Variants in SCN10A observed in about 807,000 individuals in gnomAD.
SCN10A encodes sodium voltage-gated channel alpha subunit 10.
SCN10A carries 162 observed loss-of-function variants against 170.7 expected under a neutral mutation model. The ratio of observed to expected loss-of-function variants is 0.95; its 90% CI spans 0.84 to 1.08. The LOEUF (loss-of-function observed/expected upper bound fraction) is 1.08, where lower values mean the gene tolerates loss of function less well. SCN10A is among the 50% of genes least tolerant of loss of function. SCN10A has a pLI of 0.00. For missense variants in SCN10A, 2,527 were observed against 2,436.9 expected (o/e 1.04, Z -0.78); for synonymous variants, 985 against 904.6 (o/e 1.09, Z -1.59).
chr3:38,811,220 A>T (rs58030657), intron 1 of SCN10A, among the ~76,000 whole-genome samples: 1 of 152,194 alleles, frequency 6.6e-6, no homozygotes, highest in African/African-American at 2.4e-5. Flanking sequence ...TGGGAGGCCA[A>T]GGCAGCTGGC....
chr3:38,728,951 T>G (rs1408271988), intron 15 of SCN10A, 50 bp from the exon 16 acceptor site: 4 of 1,539,256 alleles, frequency 2.6e-6, no homozygotes, highest in Non-Finnish European at 3.5e-6. Context: ...CTCATTACCT[T>G]TCATCTAAAG....
At chr3:38,747,299 C>T (rs1232898121) in intron 13 of SCN10A, among the ~76,000 whole-genome samples, 5 of 152,140 alleles carry the variant, frequency 3.3e-5, no homozygotes, top group African/African-American at 7.2e-5. Context: ...TCACTCCCGC[C>T]GCCAACCACC....
At chr3:38,739,719 G>A (rs2063610866) in intron 14 of SCN10A, 31 bp from the exon 15 acceptor site, 2 of 1,541,538 alleles carry the variant, frequency 1.3e-6, no homozygotes, top group East Asian at 4.5e-5. Flanking sequence ...TCATCACAGT[G>A]GGATCTGTGG....
intron 26 of SCN10A, 64 bp from the exon 27 acceptor site, chr3:38,702,173 A>G: frequency 6.7e-7 from 1 of 1,491,480 alleles, no homozygotes; most frequent in South Asian, 1.4e-5. Context: ...CATCTGTGTT[A>G]TCTGTAGATG....
intron 27 of SCN10A, among the ~76,000 whole-genome samples, chr3:38,701,618 C>T (rs969262461): frequency 2.0e-5 from 3 of 152,204 alleles, no homozygotes; most frequent in East Asian, 1.9e-4. Flanking sequence ...GAAAACACTT[C>T]GTGTGAGCAT....
At chr3:38,767,040 A>G (rs1392975606) in intron 5 of SCN10A, among the ~76,000 whole-genome samples, 1 of 143,544 alleles carries the variant, frequency 7.0e-6, no homozygotes, top group Admixed American at 6.8e-5. Flanking sequence ...GTAGCCTTGA[A>G]TGATTTTTTT....
chr3:38,752,243 A>G lies in SCN10A; in HGVS notation c.1731T>C (p.Leu577=), dbSNP rs771145743. The part of the protein sequence containing the change: ...DEHQPPPTSE[L]APGAVDVSAF... ...CCGAGACATCGACAGCTCCAGGGGCAAGCTCACTAGTGGGCGGCGGTTGGT... is the reference window on the plus strand; with the variant it reads ...CCGAGACATCGACAGCTCCAGGGGCGAGCTCACTAGTGGGCGGCGGTTGGT... Residue 577 remains leucine (L), a synonymous_variant, in exon 12 of 28, where the codon CTT becomes CTC. Coordinates refer to ENST00000449082, the MANE Select transcript of SCN10A (RefSeq NM_006514.4). 1.1e-5 allele frequency: 17 copies of G among 1,544,860 alleles called. No individual in the cohort carries two copies. In the East Asian group the frequency reaches 1.4e-4, roughly 13 times the overall value.
intron 15 of SCN10A, among the ~76,000 whole-genome samples, chr3:38,734,925 C>T (rs144546246): frequency 0.069 from 10,484 of 152,038 alleles, 441 homozygotes; most frequent in African/African-American, 0.1. Context: ...AATCCCAGCA[C>T]TTTAGGAGGC....
At chr3:38,736,255 C>T (rs1434289692) in intron 15 of SCN10A, among the ~76,000 whole-genome samples, 5 of 152,228 alleles carry the variant, frequency 3.3e-5, no homozygotes, top group Admixed American at 2.6e-4. Context: ...GAACTTTGTA[C>T]ACCATCATGA....
At position 38,710,848 on chromosome 3, in the gene SCN10A, C is replaced by G. The variant is rs149155352; in HGVS notation, c.4139G>C (p.Arg1380Pro). ...MDIMYAAVDS[R>P]EVNMQPKWED... ...GGACAGTGGGCTGAGACTCACCTCC[C>G]GGGAATCAACAGCTGCATACATAAT... The change falls in exon 24 of 28, where the codon CGG becomes CCG. Residue 1380 changes from arginine (R) to proline (P), a missense_variant. Coordinates refer to ENST00000449082, the MANE Select transcript of SCN10A (RefSeq NM_006514.4). 3 of 1,613,402 alleles carry G rather than the reference C, an allele frequency of 1.9e-6. No individual in the cohort carries two copies. The highest frequency in any genetic ancestry group is 2.5e-6 in the Non-Finnish European group (3 of 1,179,654).
intron 12 of SCN10A, among the ~76,000 whole-genome samples, chr3:38,750,399 A>G (rs765670414): frequency 2.6e-5 from 4 of 152,246 alleles, no homozygotes; most frequent in Non-Finnish European, 5.9e-5. Context: ...CCTTCTATAC[A>G]TCTAGGCTAA....
chr3:38,812,354 G>A (rs528766592), intron 1 of SCN10A, among the ~76,000 whole-genome samples: 1 of 152,200 alleles, frequency 6.6e-6, no homozygotes, highest in African/African-American at 2.4e-5. Flanking sequence ...GCCTATTGGA[G>A]ACCTAAGGCA....
At chr3:38,794,927 C>T (rs1372975650) in intron 1 of SCN10A, among the ~76,000 whole-genome samples, 2 of 152,010 alleles carry the variant, frequency 1.3e-5, no homozygotes, top group African/African-American at 2.4e-5. Context: ...TGTCTGCAGC[C>T]TTCTTTCCTC....
chr3:38,800,364 G>C (rs1326273476), intron 1 of SCN10A, among the ~76,000 whole-genome samples: 1 of 152,218 alleles, frequency 6.6e-6, no homozygotes, highest in Non-Finnish European at 1.5e-5. Flanking sequence ...CAGTAGGTCT[G>C]AGGTGAGGCC....
intron 25 of SCN10A, among the ~76,000 whole-genome samples, chr3:38,708,343 A>G (rs960742137): frequency 6.6e-6 from 1 of 152,222 alleles, no homozygotes; most frequent in Admixed American, 6.5e-5. Context: ...TCCTTCCGTT[A>G]CCTAATATCT....
intron 15 of SCN10A, among the ~76,000 whole-genome samples, chr3:38,734,248 C>T (rs924711801): frequency 3.9e-5 from 6 of 152,190 alleles, no homozygotes; most frequent in Non-Finnish European, 7.3e-5. Flanking sequence ...TCTCCAACTC[C>T]TGTCCTCAAG....
chr3:38,762,607 G>T (rs2063887184), intron 6 of SCN10A, among the ~76,000 whole-genome samples: 1 of 152,112 alleles, frequency 6.6e-6, no homozygotes, highest in African/African-American at 2.4e-5. Context: ...AGAAGAGACA[G>T]TATGGACAGA....
intron 4 of SCN10A, among the ~76,000 whole-genome samples, chr3:38,780,842 G>A (rs1178220676): frequency 6.6e-6 from 1 of 152,060 alleles, no homozygotes; most frequent in Non-Finnish European, 1.5e-5. Flanking sequence ...ACAGTGCAGT[G>A]GTGGTTCAAG....
intron 23 of SCN10A, among the ~76,000 whole-genome samples, chr3:38,711,183 C>T (rs753121973): frequency 2.6e-5 from 4 of 152,168 alleles, no homozygotes; most frequent in Non-Finnish European, 4.4e-5. Flanking sequence ...GGTTCTAGTG[C>T]CAATTGCTAC....
Sources: gnomAD v4.1 joint callset for allele counts (sites outside exome capture counted in the v4.1 genomes callset) on GRCh38, gnomAD v4.1.1 for gene constraint, MANE v1.5 for transcripts, NCBI Gene and HGNC (gene_info 2026-07-23, HGNC 2026-07-21) for gene names.